Variants in PHF3 observed in about 807,000 individuals in gnomAD.
PHF3 encodes PHD finger protein 3.
In PHF3, 41 loss-of-function variants were observed where a neutral mutation model predicts 178.4. That is an observed-to-expected ratio of 0.23 (90% CI 0.18 to 0.30). The LOEUF (loss-of-function observed/expected upper bound fraction) is 0.30, where lower values mean the gene tolerates loss of function less well. Ranked by LOEUF, PHF3 falls within the 10% of genes least tolerant of loss-of-function variation. The probability of loss-of-function intolerance (pLI) is 1.00; values close to 1 mark genes in which losing one functional copy is unlikely to be tolerated. For missense variants in PHF3, 2,346 were observed against 2,398.1 expected (o/e 0.98, Z 0.45); for synonymous variants, 842 against 800.5 (o/e 1.05, Z -0.88).
intron 2 of PHF3, among the ~76,000 whole-genome samples, chr6:63,672,336 T>A (rs1396532990): frequency 6.6e-6 from 1 of 152,184 alleles, no homozygotes; most frequent in East Asian, 1.9e-4. Context: ...ATTAACAGAG[T>A]GTATACTTTA....
chr6:63,655,999 C>T (rs1432692911), intron 2 of PHF3, among the ~76,000 whole-genome samples: 7 of 152,202 alleles, frequency 4.6e-5, no homozygotes, highest in Admixed American at 2.6e-4. Flanking sequence ...TTTCCATAGT[C>T]ATTGCTGCAG....
intron 2 of PHF3, among the ~76,000 whole-genome samples, chr6:63,660,692 G>T (rs1765428963): frequency 6.6e-6 from 1 of 152,108 alleles, no homozygotes; most frequent in Admixed American, 6.6e-5. Flanking sequence ...TTCTTGCTCA[G>T]CATGGCAAGA....
chr6:63,648,672 T>A (rs1215102567), intron 2 of PHF3, among the ~76,000 whole-genome samples: 2 of 152,206 alleles, frequency 1.3e-5, no homozygotes, highest in African/African-American at 4.8e-5. Flanking sequence ...TTTTTTGAGA[T>A]ACGATTTATT....
intron 2 of PHF3, among the ~76,000 whole-genome samples, chr6:63,679,322 A>G (rs1326507751): frequency 6.6e-6 from 1 of 151,844 alleles, no homozygotes; most frequent in Non-Finnish European, 1.5e-5. Flanking sequence ...TTCTTTCTCC[A>G]CCCCACAAAT....
intron 1 of PHF3, among the ~76,000 whole-genome samples, chr6:63,645,961 T>C (rs565237107): frequency 2.6e-5 from 4 of 152,260 alleles, no homozygotes; most frequent in Admixed American, 2.6e-4. Flanking sequence ...AATAGTTTCT[T>C]TTTCATTTTC....
intron 6 of PHF3, among the ~76,000 whole-genome samples, chr6:63,697,464 A>G (rs1767281590): frequency 6.6e-6 from 1 of 152,220 alleles, no homozygotes; most frequent in African/African-American, 2.4e-5. Flanking sequence ...TTACCTACTT[A>G]AAACTTGTGG....
intron 3 of PHF3, among the ~76,000 whole-genome samples, 165 bp downstream of exon 3, chr6:63,680,326 C>T (rs1156641215): frequency 6.6e-6 from 1 of 151,230 alleles, no homozygotes; most frequent in African/African-American, 2.4e-5. Flanking sequence ...TATAAGTTTT[C>T]AGTACCCACC....
intron 2 of PHF3, among the ~76,000 whole-genome samples, chr6:63,652,303 A>G (rs866902384): frequency 1.3e-5 from 2 of 152,024 alleles, no homozygotes; most frequent in African/African-American, 4.8e-5. Context: ...GAAGTTGAGC[A>G]TTTTCTTCGT....
Position 63,679,815 on chromosome 6 carries a change from A to G in PHF3, c.245-185A>G, listed in dbSNP as rs1296115402. On this transcript the variant is annotated intron_variant, in intron 2 of 15. Coordinates refer to ENST00000262043, the MANE Select transcript of PHF3 (RefSeq NM_001370348.2). ...TAATTACTTTACAAGGTGGAAGTTT[A>G]TAAAACTGACTTGATTTGGGAGTTT... 4.7e-6 allele frequency: 3 copies of G among 644,684 alleles called. No individual in the cohort carries two copies. The East Asian group carries it at 9.1e-5, about 20-fold the overall frequency. 39.9% of individuals were successfully genotyped at this position (644,684 alleles called of 1,614,324 possible).
intron 3 of PHF3, among the ~76,000 whole-genome samples, chr6:63,683,174 G>A (rs1766513945): frequency 6.6e-6 from 1 of 151,578 alleles, no homozygotes; most frequent in South Asian, 2.1e-4. Context: ...TTCAAATTGG[G>A]CATACTTTTG....
At position 63,720,626 on chromosome 6, in the gene PHF3, A is replaced by G. The variant is rs137853190; in HGVS notation, c.*6918A>G. 1 of 1,507,130 alleles carries G rather than the reference A, an allele frequency of 6.6e-7. No individual in the cohort carries two copies. The highest frequency in any genetic ancestry group is 8.9e-7 in the Non-Finnish European group (1 of 1,126,140). The allele number at this position is 1,507,130 out of a possible 1,614,324, so 93.4% of individuals were successfully genotyped here. On this transcript the variant is annotated 3_prime_UTR_variant, in exon 16 of 16. Transcript: ENST00000262043. The stretch of plus-strand genomic sequence containing the variant: ...TAACCTCATTTTGTTCATCTCCATC[A>G]TAAACATTGTATCCTTCTAATTTAA...
intron 2 of PHF3, among the ~76,000 whole-genome samples, chr6:63,659,025 A>C (rs367877580): frequency 6.6e-6 from 1 of 152,130 alleles, no homozygotes; most frequent in African/African-American, 2.4e-5. Flanking sequence ...TTTTTACTCA[A>C]GTCTTTTGGT....
intron 3 of PHF3, among the ~76,000 whole-genome samples, chr6:63,683,255 T>TGTCAGTTTAC (rs1561962702): frequency 6.6e-6 from 1 of 152,066 alleles, no homozygotes; most frequent in African/African-American, 2.4e-5. Context: ...TTTTTAAAGA[T>TGTCAGTTTAC]TCTCACAGTT....
In PHF3 at chr6:63,722,054, G is replaced by A. The variant is rs1768418527; in HGVS notation, c.*8346G>A. 6.6e-6 allele frequency among the ~76,000 whole-genome samples: 1 copy of A among 152,242 alleles called. No homozygotes were observed. The highest frequency in any genetic ancestry group is 1.9e-4 in the East Asian group (1 of 5,182). On this transcript the variant is annotated 3_prime_UTR_variant, in exon 16 of 16. Transcript: ENST00000262043. ...CTCATTGAATGAATATATTGTGGTA[G>A]TAAGTTAAAGTGAGGTTTTTCTTCA...
chr6:63,649,018 A>T (rs796858995), intron 2 of PHF3, among the ~76,000 whole-genome samples: 38 of 152,162 alleles, frequency 2.5e-4, no homozygotes, highest in African/African-American at 8.9e-4. Context: ...AAAATGGAAA[A>T]CATTTTTGAA....
intron 2 of PHF3, among the ~76,000 whole-genome samples, chr6:63,676,157 G>A (rs146246096): frequency 6.6e-6 from 1 of 152,204 alleles, no homozygotes; most frequent in East Asian, 1.9e-4. Context: ...CACTCATCAA[G>A]GCTTAAGTTC....
At position 63,684,589 on chromosome 6, in the gene PHF3, A is replaced by G. The variant is rs1274497332; in HGVS notation, c.867A>G (p.Ser289=). Residue 289 remains serine (S), a synonymous_variant, in exon 4 of 16, where the codon TCA becomes TCG. Transcript: ENST00000262043. ...KPVGSPLFKF[S]DKEEHEQNDS... ...TTGGTAGTCCATTGTTTAAGTTTTC[A>G]GATAAAGAAGAACATGAACAAAATG... The G allele has an allele frequency of 5.0e-6, 8 of 1,613,854 alleles. No homozygotes were observed. The highest frequency in any genetic ancestry group is 6.8e-6 in the Non-Finnish European group (8 of 1,179,904).
Position 63,720,680 on chromosome 6 carries a change from AAATACAACATCTTT to A in PHF3, c.*6976_*6989del. On this transcript the variant is annotated 3_prime_UTR_variant, in exon 16 of 16. Transcript: ENST00000262043. ...GTTCAATGTTTTTTGGTTCCTGAAAAAATACAACATCTTTAATTTTGCCAACAAAATTGGTTTTA... is the reference window on the plus strand; with the variant it reads ...GTTCAATGTTTTTTGGTTCCTGAAAAAATTTTGCCAACAAAATTGGTTTTA... 1.3e-6 allele frequency: 2 copies of A among 1,546,154 alleles called. No individual in the cohort carries two copies. The highest frequency in any genetic ancestry group is 1.7e-6 in the Non-Finnish European group (2 of 1,145,032).
rs750174343 is a variant in PHF3 at position 63,703,660 on chromosome 6, A to G, written c.3356A>G (p.Lys1119Arg). 3.8e-6 allele frequency: 6 copies of G among 1,598,216 alleles called. No individual in the cohort carries two copies. The highest frequency in any genetic ancestry group is 2.3e-5 in the South Asian group (2 of 86,872). Residue 1119 changes from lysine to arginine, a missense_variant, in exon 11 of 16, where the codon AAA becomes AGA. This residue lies in a region of PHF3 where 205 missense variants were observed against 212.4 expected (regional missense o/e 0.97). Coordinates refer to ENST00000262043, the MANE Select transcript of PHF3 (RefSeq NM_001370348.2). ...HRQHLFDLNC[K>R]ICIGRMAPPV... ...CAGCATCTTTTTGATCTCAACTGCA[A>G]AATCTGCATAGGTAATTGGAAGTTT... is the stretch of plus-strand genomic sequence containing the variant.
Sources: gnomAD v4.1 joint callset for allele counts (sites outside exome capture counted in the v4.1 genomes callset) on GRCh38, gnomAD v4.1.1 for gene constraint, gnomAD v4.1.1 regional missense constraint, MANE v1.5 for transcripts, NCBI Gene and HGNC (gene_info 2026-07-23, HGNC 2026-07-21) for gene names.